The following NEDD4L variants were observed in gnomAD, a reference collection of about 807,000 sequenced individuals.
NEDD4L encodes the protein NEDD4 like E3 ubiquitin protein ligase.
In NEDD4L, 54 loss-of-function variants were observed where a neutral mutation model predicts 148.9. The observed-to-expected ratio is 0.36, with a 90% CI of 0.29 to 0.45. NEDD4L has a LOEUF of 0.45. Ranked by LOEUF, NEDD4L falls within the 20% of genes least tolerant of loss-of-function variation. NEDD4L has a pLI of 1.00. For missense variants in NEDD4L, 856 were observed against 1,233.8 expected (o/e 0.69, Z 4.59); for synonymous variants, 433 against 440.7 (o/e 0.98, Z 0.22).
At chr18:58,150,157 C>G (rs906795601) in intron 1 of NEDD4L, among the ~76,000 whole-genome samples, 4 of 152,208 alleles carry the variant, frequency 2.6e-5, no homozygotes, top group Non-Finnish European at 4.4e-5. Context: ...GGGACGATGT[C>G]TTTCAGTTCT....
intron 2 of NEDD4L, among the ~76,000 whole-genome samples, chr18:58,206,764 T>C (rs979983966): frequency 3.3e-5 from 5 of 152,162 alleles, no homozygotes; most frequent in Non-Finnish European, 7.4e-5. Flanking sequence ...GGCATTTAAG[T>C]GTGTGGGTGT....
At chr18:58,245,628 G>A (rs1183663838) in intron 3 of NEDD4L, 120 bp downstream of exon 3, 7 of 454,992 alleles carry the variant, frequency 1.5e-5, no homozygotes, top group African/African-American at 6.2e-5. Flanking sequence ...TGATAGTCCC[G>A]TGAGATTATA....
At chr18:58,275,825 C>T (rs1315799427) in intron 5 of NEDD4L, among the ~76,000 whole-genome samples, 2 of 152,154 alleles carry the variant, frequency 1.3e-5, no homozygotes, top group East Asian at 3.9e-4. Flanking sequence ...AGGAAGTCTG[C>T]ACCCTGGCTG....
intron 16 of NEDD4L, among the ~76,000 whole-genome samples, chr18:58,345,451 C>T (rs142043529): frequency 2.8e-4 from 43 of 152,230 alleles, no homozygotes; most frequent in Non-Finnish European, 5.4e-4. Flanking sequence ...AATGAGAGAA[C>T]AGCATAGCTA....
chr18:58,109,328 C>T (rs1460200838), intron 1 of NEDD4L, among the ~76,000 whole-genome samples: 1 of 152,110 alleles, frequency 6.6e-6, no homozygotes, highest in East Asian at 1.9e-4. Context: ...AATTTTTGCC[C>T]CAGGATGGGA....
At chr18:58,281,344 A>T (rs942627721) in intron 5 of NEDD4L, among the ~76,000 whole-genome samples, 13 of 149,958 alleles carry the variant, frequency 8.7e-5, no homozygotes, top group Admixed American at 6.7e-5. Context: ...GATAGCTGTG[A>T]TGGAAATGGA....
intron 1 of NEDD4L, among the ~76,000 whole-genome samples, chr18:58,157,236 C>T (rs370964285): frequency 6.6e-6 from 1 of 151,350 alleles, no homozygotes; most frequent in East Asian, 1.9e-4. Flanking sequence ...ATTAAACATT[C>T]CTAAGTAATT....
chr18:58,386,335 GC>G (rs1297248015), intron 26 of NEDD4L, among the ~76,000 whole-genome samples: 1 of 152,194 alleles, frequency 6.6e-6, no homozygotes, highest in Non-Finnish European at 1.5e-5. Flanking sequence ...ACAGGCATGA[GC>G]CGCCGCGCCC....
At chr18:58,392,941 A>G (rs554028954) in intron 30 of NEDD4L, among the ~76,000 whole-genome samples, 1 of 152,284 alleles carries the variant, frequency 6.6e-6, no homozygotes, top group African/African-American at 2.4e-5. Flanking sequence ...GAGATATGTT[A>G]TTCCCTTGGG....
At chr18:58,071,038 A>AC (rs1451768948) in intron 1 of NEDD4L, among the ~76,000 whole-genome samples, 2 of 152,088 alleles carry the variant, frequency 1.3e-5, no homozygotes, top group African/African-American at 4.8e-5. Context: ...CAGGTTAAAA[A>AC]AACACACACA....
chr18:58,349,018 G>A (rs888245358), intron 16 of NEDD4L, among the ~76,000 whole-genome samples: 6 of 152,294 alleles, frequency 3.9e-5, no homozygotes, highest in East Asian at 3.9e-4. Flanking sequence ...GAGTAGCCAC[G>A]TGACTTCACA....
chr18:58,228,679 G>A (rs1162726091), intron 2 of NEDD4L, among the ~76,000 whole-genome samples: 1 of 152,212 alleles, frequency 6.6e-6, no homozygotes, highest in African/African-American at 2.4e-5. Context: ...TGCTTGCCTG[G>A]TGCTCAAGCC....
chr18:58,189,406 T>A (rs1253719196), intron 2 of NEDD4L, among the ~76,000 whole-genome samples: 1 of 152,238 alleles, frequency 6.6e-6, no homozygotes, highest in East Asian at 1.9e-4. Context: ...TTACAAACAA[T>A]GAGCCTAGAG....
chr18:58,385,573 A>T lies in NEDD4L; in HGVS notation c.2474A>T (p.Asn825Ile). Residue 825 changes from asparagine to isoleucine, a missense_variant, in exon 26 of 31, where the codon AAC becomes ATC. Physicochemically the swap from Asn to Ile is moderately radical, Grantham distance 149. Around this residue, in one of 4 missense-constraint regions of NEDD4L, gnomAD observed 286 missense variants for 531.8 expected, o/e 0.54. Coordinates refer to ENST00000400345, the MANE Select transcript of NEDD4L (RefSeq NM_001144967.3). The part of the protein sequence containing the change: ...RFVNRVQKQM[N>I]AFLEGFTELL... ...GTGAACAGGGTCCAGAAGCAGATGA[A>T]CGCCTTCTTGGAGGTAAGCCATGCT... 2 of 1,613,742 alleles carry T rather than the reference A, an allele frequency of 1.2e-6. No homozygotes were observed. Among genetic ancestry groups the T allele is most frequent in the Non-Finnish European group, 1.7e-6 (2 of 1,179,688 alleles).
intron 18 of NEDD4L, among the ~76,000 whole-genome samples, chr18:58,353,957 T>C (rs762959125): frequency 1.8e-4 from 27 of 152,168 alleles, no homozygotes; most frequent in Non-Finnish European, 3.1e-4. Flanking sequence ...GTCTTTTCAA[T>C]AATTAATTAT....
chr18:58,144,230 C>T (rs942692865), intron 1 of NEDD4L, among the ~76,000 whole-genome samples: 2 of 152,026 alleles, frequency 1.3e-5, no homozygotes, highest in Admixed American at 6.6e-5. Context: ...CTTGGCTCTG[C>T]ACGCTGTACT....
At chr18:58,382,122 T>C (rs1231692602) in intron 24 of NEDD4L, among the ~76,000 whole-genome samples, 1 of 152,216 alleles carries the variant, frequency 6.6e-6, no homozygotes, top group Non-Finnish European at 1.5e-5. Context: ...ACCGGATGGA[T>C]GATGAATGTG....
Position 58,185,053 on chromosome 18 carries a change from G to C in NEDD4L, c.122+19192G>C, listed in dbSNP as rs563900541. On this transcript the variant is annotated intron_variant, in intron 2 of 30. Coordinates refer to ENST00000400345, the MANE Select transcript of NEDD4L (RefSeq NM_001144967.3). ...TTGTTTACAGTTTCATCAGCACCAG[G>C]CGTGCACGGCGTTAGTCATGGTCCT... Among the ~76,000 whole-genome samples, 57 of 152,336 alleles carry C rather than the reference G, an allele frequency of 3.7e-4. No homozygotes were observed. The South Asian group carries it at 0.011, about 28-fold the overall frequency.
At chr18:58,195,445 G>C (rs768627727) in intron 2 of NEDD4L, 2 of 1,319,366 alleles carry the variant, frequency 1.5e-6, no homozygotes, top group Non-Finnish European at 2.0e-6. Context: ...GCAGGCATCC[G>C]CGGCAGCAGC....
Sources: gnomAD v4.1 joint callset for allele counts (sites outside exome capture counted in the v4.1 genomes callset) on GRCh38, gnomAD v4.1.1 for gene constraint, gnomAD v4.1.1 regional missense constraint, MANE v1.5 for transcripts, NCBI Gene and HGNC (gene_info 2026-07-23, HGNC 2026-07-21) for gene names.